DIAPH3: variants seen among roughly 807,000 people sequenced by gnomAD.
DIAPH3 encodes the protein protein diaphanous homolog 3.
DIAPH3 carries 117 observed loss-of-function variants against 144.3 expected under a neutral mutation model. The ratio of observed to expected loss-of-function variants is 0.81; its 90% CI spans 0.70 to 0.95. DIAPH3 has a LOEUF of 0.95. Ranked by LOEUF, DIAPH3 falls within the 40% of genes least tolerant of loss-of-function variation. The pLI is 0.00. For missense variants in DIAPH3, 1,421 were observed against 1,412.7 expected (o/e 1.01, Z -0.09); for synonymous variants, 519 against 488.9 (o/e 1.06, Z -0.81).
At chr13:59,819,190 C>A (rs1413091402) in intron 24 of DIAPH3, among the ~76,000 whole-genome samples, 2 of 151,848 alleles carry the variant, frequency 1.3e-5, no homozygotes, top group African/African-American at 2.4e-5. Context: ...TCATTTCTAA[C>A]CTGAATAACT....
intron 27 of DIAPH3, among the ~76,000 whole-genome samples, chr13:59,728,086 CA>C (rs1168893403): frequency 6.7e-6 from 1 of 150,088 alleles, no homozygotes; most frequent in Non-Finnish European, 1.5e-5. Context: ...AACAGGGCAT[CA>C]AAAAAAACAA....
intron 27 of DIAPH3, among the ~76,000 whole-genome samples, chr13:59,766,678 A>G (rs1373459244): frequency 1.3e-5 from 2 of 152,200 alleles, no homozygotes; most frequent in East Asian, 1.9e-4. Flanking sequence ...ATACAAAGAC[A>G]GTAAAGCCTT....
At chr13:60,162,807 TCTCACACACA>T (rs1303424439) in intron 1 of DIAPH3, among the ~76,000 whole-genome samples, 10 of 127,964 alleles carry the variant, frequency 7.8e-5, no homozygotes, top group Admixed American at 2.4e-4. Context: ...TCTCTCTCTC[TCTCACACACA>T]CACACACACA....
chr13:59,958,169 C>A (rs1267970851), intron 17 of DIAPH3, among the ~76,000 whole-genome samples: 2 of 152,100 alleles, frequency 1.3e-5, no homozygotes, highest in Non-Finnish European at 2.9e-5. Context: ...ACTTTATATA[C>A]TGTATTTTTA....
chr13:59,668,291 G>A (rs1234054139), intron 27 of DIAPH3, among the ~76,000 whole-genome samples: 3 of 152,182 alleles, frequency 2.0e-5, no homozygotes, highest in South Asian at 4.1e-4. Context: ...CCCAAAGAAT[G>A]CTTGAAAACT....
chr13:59,737,464 C>T (rs553409271), intron 27 of DIAPH3, among the ~76,000 whole-genome samples: 1 of 152,154 alleles, frequency 6.6e-6, no homozygotes, highest in Admixed American at 6.5e-5. Context: ...GAAATATGAA[C>T]AAAACTTAGG....
chr13:59,748,607 G>A (rs2036824055), intron 27 of DIAPH3, among the ~76,000 whole-genome samples: 1 of 152,158 alleles, frequency 6.6e-6, no homozygotes, highest in Admixed American at 6.5e-5. Context: ...AACACCTTAA[G>A]AGGCAGCCTT....
intron 25 of DIAPH3, among the ~76,000 whole-genome samples, chr13:59,802,931 G>T (rs1182555670): frequency 1.3e-5 from 2 of 151,228 alleles, no homozygotes; most frequent in Non-Finnish European, 3.0e-5. Context: ...TGATCCACCC[G>T]CCTCGGCCTC....
chr13:60,136,354 C>T (rs2059274071), intron 1 of DIAPH3, among the ~76,000 whole-genome samples: 1 of 151,644 alleles, frequency 6.6e-6, no homozygotes, highest in Non-Finnish European at 1.5e-5. Flanking sequence ...TGAGTAGCCA[C>T]CGTGGACATC....
chr13:59,980,359 A>T (rs901082823), intron 14 of DIAPH3, among the ~76,000 whole-genome samples: 1 of 151,572 alleles, frequency 6.6e-6, no homozygotes, highest in Admixed American at 6.6e-5. Context: ...GAGAATTACC[A>T]CAACCTTAAA....
At chr13:59,769,605 G>A (rs143508580) in intron 27 of DIAPH3, among the ~76,000 whole-genome samples, 71 of 151,128 alleles carry the variant, frequency 4.7e-4, no homozygotes, top group African/African-American at 1.7e-3. Flanking sequence ...CATAGCAGCC[G>A]ATTCATACTG....
At chr13:60,131,376 C>A (rs895244528) in intron 2 of DIAPH3, among the ~76,000 whole-genome samples, 1 of 134,860 alleles carries the variant, frequency 7.4e-6, no homozygotes, top group African/African-American at 2.9e-5. Context: ...GTCAAGACTG[C>A]AGTGAGTCAT....
chr13:59,956,953 T>A (rs995400698), intron 17 of DIAPH3, among the ~76,000 whole-genome samples: 11 of 152,138 alleles, frequency 7.2e-5, no homozygotes, highest in African/African-American at 2.4e-4. Flanking sequence ...TGTAGACCCT[T>A]TGATTTGGCC....
At chr13:59,863,608 G>C (rs562820850) in intron 21 of DIAPH3, among the ~76,000 whole-genome samples, 4 of 152,164 alleles carry the variant, frequency 2.6e-5, no homozygotes, top group African/African-American at 9.6e-5. Flanking sequence ...TACCCACCTA[G>C]ACAGCTTTAC....
At chr13:59,895,826 G>A (rs1221534321) in intron 20 of DIAPH3, among the ~76,000 whole-genome samples, 1 of 152,152 alleles carries the variant, frequency 6.6e-6, no homozygotes, top group Non-Finnish European at 1.5e-5. Context: ...CGAGGTAGTC[G>A]ACATTCTAGA....
intron 27 of DIAPH3, among the ~76,000 whole-genome samples, chr13:59,766,632 C>A (rs1316593738): frequency 6.6e-6 from 1 of 152,110 alleles, no homozygotes; most frequent in Non-Finnish European, 1.5e-5. Context: ...AAGTCTTAGC[C>A]CCACACCTCC....
intron 21 of DIAPH3, among the ~76,000 whole-genome samples, chr13:59,874,087 T>G (rs1432608017): frequency 6.6e-6 from 1 of 152,162 alleles, no homozygotes; most frequent in Non-Finnish European, 1.5e-5. Context: ...CAGTCAGGGA[T>G]TTTCCATTCT....
chr13:59,762,472 GA>G (rs1165013041), intron 27 of DIAPH3, among the ~76,000 whole-genome samples: 2 of 152,184 alleles, frequency 1.3e-5, no homozygotes, highest in African/African-American at 4.8e-5. Flanking sequence ...AAAAGAGGCA[GA>G]GATCATTGGG....
intron 18 of DIAPH3, among the ~76,000 whole-genome samples, chr13:59,924,030 A>ATGTTAATT (rs1232640700): frequency 6.6e-6 from 1 of 152,332 alleles, no homozygotes; most frequent in Non-Finnish European, 1.5e-5. Flanking sequence ...ACTAAAAACC[A>ATGTTAATT]TGTTAATTCT....
Sources: gnomAD v4.1 joint callset for allele counts (sites outside exome capture counted in the v4.1 genomes callset) on GRCh38, gnomAD v4.1.1 for gene constraint, MANE v1.5 for transcripts, NCBI Gene and HGNC (gene_info 2026-07-23, HGNC 2026-07-21) for gene names.